The following UBR3 variants were observed in gnomAD, a reference collection of about 807,000 sequenced individuals.
UBR3 encodes the protein ubiquitin protein ligase E3 component n-recognin 3, also known as E3 ubiquitin-protein ligase UBR3.
A neutral mutation model predicts 243.2 loss-of-function variants in UBR3; 85 were observed. That is an observed-to-expected ratio of 0.35 (90% CI 0.29 to 0.42). UBR3 has a LOEUF of 0.42. Ranked by LOEUF, UBR3 falls within the 10% of genes least tolerant of loss-of-function variation. The pLI is 1.00. For missense variants in UBR3, 1,686 were observed against 2,300.8 expected (o/e 0.73, Z 5.47); for synonymous variants, 748 against 799.8 (o/e 0.94, Z 1.09).
chr2:169,984,432 A>G (rs1036756794), intron 24 of UBR3, among the ~76,000 whole-genome samples: 3 of 152,158 alleles, frequency 2.0e-5, no homozygotes, highest in African/African-American at 7.2e-5. Flanking sequence ...GCTTCTTCCA[A>G]GAGTAACCAG....
At position 170,008,792 on chromosome 2, in the gene UBR3, A is replaced by AT. The variant is rs775897444; in HGVS notation, c.4231-5dup. On this transcript the variant is annotated splice_polypyrimidine_tract_variant and intron_variant, in intron 28 of 38. Coordinates refer to ENST00000272793, the MANE Select transcript of UBR3 (RefSeq NM_172070.4). Reference sequence around the variant, plus strand: ...ATATAAACTTTATATGTATGTTTGCATTTTTTTATAGTCAGAAACAAATTT... The same window carrying AT: ...ATATAAACTTTATATGTATGTTTGCATTTTTTTTATAGTCAGAAACAAATTT... 8 of 1,199,536 alleles carry AT rather than the reference A, an allele frequency of 6.7e-6. No homozygotes were observed. Among genetic ancestry groups the AT allele is most frequent in the Admixed American group, 2.3e-5 (1 of 43,166 alleles). The allele number at this position is 1,199,536 out of a possible 1,614,324, so 74.3% of individuals were successfully genotyped here.
intron 32 of UBR3, among the ~76,000 whole-genome samples, chr2:170,042,077 C>T (rs1186081232): frequency 1.3e-5 from 2 of 152,176 alleles, no homozygotes; most frequent in Non-Finnish European, 2.9e-5. Flanking sequence ...AGAACATTTT[C>T]ATCAGCCCCA....
chr2:169,933,052 T>G, intron 19 of UBR3, 44 bp downstream of exon 19: 2 of 1,401,304 alleles, frequency 1.4e-6, no homozygotes, highest in Non-Finnish European at 1.9e-6. Context: ...TATTTTATAT[T>G]TATATGGAAA....
At chr2:170,025,214 G>A (rs748244727) in intron 30 of UBR3, among the ~76,000 whole-genome samples, 12 of 152,114 alleles carry the variant, frequency 7.9e-5, no homozygotes, top group Non-Finnish European at 1.6e-4. Flanking sequence ...TCTTCAGGGA[G>A]ATCTGACCAT....
In UBR3 at chr2:169,914,144, G is replaced by A. The variant is rs1250562588; in HGVS notation, c.1864G>A (p.Glu622Lys). Residue 622 changes from glutamate to lysine, a missense_variant and splice_region_variant, in exon 11 of 39, where the codon GAG (glutamate) becomes AAG (lysine). Physicochemically the swap from Glu to Lys is moderately conservative, Grantham distance 56. Coordinates refer to ENST00000272793, the MANE Select transcript of UBR3 (RefSeq NM_172070.4). The part of the protein sequence containing the change: ...DWFDAINFVD[E>K]PAPNQVTFHL... The stretch of plus-strand genomic sequence containing the variant: ...GTTTGATGCTATTAACTTCGTAGAC[G>A]AGGTATGTATATTTTTGATGTATGT... The A allele has an allele frequency of 2.0e-6, 3 of 1,489,592 alleles. No homozygotes were observed. The highest frequency in any genetic ancestry group is 2.7e-6 in the Non-Finnish European group (3 of 1,116,496). The allele number at this position is 1,489,592 out of a possible 1,614,324, so 92.3% of individuals were successfully genotyped here. A position where few individuals can be genotyped will look rare whatever the true frequency, so the allele number is the denominator to read the frequency against.
intron 29 of UBR3, 39 bp downstream of exon 29, chr2:170,008,979 A>G (rs1186515719): frequency 2.4e-6 from 3 of 1,256,876 alleles, no homozygotes; most frequent in South Asian, 1.8e-5. Flanking sequence ...TTTACTTACT[A>G]TTAATAGTTG....
At chr2:169,864,699 T>G (rs1302467404) in intron 1 of UBR3, among the ~76,000 whole-genome samples, 2 of 151,702 alleles carry the variant, frequency 1.3e-5, no homozygotes, top group African/African-American at 4.8e-5. Flanking sequence ...GTCAGGAGAT[T>G]GAGACCATCC....
chr2:169,971,236 G>A (rs2105376314), intron 24 of UBR3, among the ~76,000 whole-genome samples: 1 of 150,390 alleles, frequency 6.6e-6, no homozygotes, highest in East Asian at 2.0e-4. Flanking sequence ...CCCTTTGTCA[G>A]GTGAGTAGGT....
At chr2:169,834,063 T>C (rs1263012473) in intron 1 of UBR3, among the ~76,000 whole-genome samples, 1 of 152,180 alleles carries the variant, frequency 6.6e-6, no homozygotes, top group Non-Finnish European at 1.5e-5. Context: ...GCTGGGATTA[T>C]AGGCGTGAGC....
intron 20 of UBR3, among the ~76,000 whole-genome samples, chr2:169,944,868 T>C (rs188668331): frequency 1.6e-4 from 24 of 152,328 alleles, no homozygotes; most frequent in Non-Finnish European, 3.1e-4. Context: ...CTGAGGTCTG[T>C]GTTCTAGTGT....
chr2:169,961,166 T>A (rs1202445640), intron 24 of UBR3, among the ~76,000 whole-genome samples: 1 of 152,100 alleles, frequency 6.6e-6, no homozygotes, highest in African/African-American at 2.4e-5. Context: ...GTCTTTTGCA[T>A]GGAATTCTTT....
At chr2:169,913,338 T>C (rs2085329314) in intron 10 of UBR3, among the ~76,000 whole-genome samples, 1 of 147,504 alleles carries the variant, frequency 6.8e-6, no homozygotes, top group African/African-American at 2.4e-5. Context: ...TTTGCCTGTT[T>C]TTTTTTGTTT....
chr2:169,929,301 G>GT (rs1168809354), intron 18 of UBR3, among the ~76,000 whole-genome samples: 3 of 152,186 alleles, frequency 2.0e-5, no homozygotes, highest in African/African-American at 7.2e-5. Flanking sequence ...TAGGCCGGGT[G>GT]TGGTGGCTTA....
chr2:169,838,393 G>A (rs1226411631), intron 1 of UBR3, among the ~76,000 whole-genome samples: 1 of 8,398 alleles, frequency 1.2e-4, no homozygotes, highest in South Asian at 5.9e-3. Flanking sequence ...GCATTTGTGT[G>A]TGTGTGTGTG....
intron 5 of UBR3, among the ~76,000 whole-genome samples, chr2:169,883,991 C>G (rs1008989293): frequency 2.0e-5 from 3 of 151,976 alleles, no homozygotes; most frequent in African/African-American, 7.2e-5. Context: ...TGCCACCACA[C>G]CCAGCTAATT....
intron 30 of UBR3, among the ~76,000 whole-genome samples, chr2:170,018,352 G>A (rs2090303093): frequency 1.3e-5 from 2 of 152,124 alleles, no homozygotes; most frequent in South Asian, 4.1e-4. Flanking sequence ...CCAGTTTGCT[G>A]GCTGGTTCCC....
intron 30 of UBR3, among the ~76,000 whole-genome samples, chr2:170,020,478 G>T (rs1322317455): frequency 1.3e-5 from 2 of 152,130 alleles, no homozygotes; most frequent in African/African-American, 4.8e-5. Flanking sequence ...ATGTGCTTAG[G>T]CAAGACATTT....
intron 30 of UBR3, among the ~76,000 whole-genome samples, chr2:170,021,865 GTATT>G (rs1266616825): frequency 6.6e-6 from 1 of 152,120 alleles, no homozygotes; most frequent in Non-Finnish European, 1.5e-5. Flanking sequence ...AGGCCTTTCT[GTATT>G]TATAATTTGG....
intron 1 of UBR3, among the ~76,000 whole-genome samples, chr2:169,836,490 G>A (rs970536538): frequency 4.6e-5 from 7 of 151,818 alleles, no homozygotes; most frequent in Admixed American, 2.0e-4. Context: ...CTGTTGGGTC[G>A]GGGGCAGGGA....
Sources: allele counts gnomAD v4.1 joint callset (sites outside exome capture counted in the v4.1 genomes callset), GRCh38; gene constraint gnomAD v4.1.1; transcripts MANE v1.5; gene names NCBI Gene and HGNC (gene_info 2026-07-23, HGNC 2026-07-21).